NR3C2: variants seen among roughly 807,000 people sequenced by gnomAD.
NR3C2 encodes mineralocorticoid receptor.
In NR3C2, 15 loss-of-function variants were observed where a neutral mutation model predicts 86.4. The observed-to-expected ratio is 0.17, with a 90% CI of 0.12 to 0.27. The LOEUF (loss-of-function observed/expected upper bound fraction) is 0.27, where lower values mean the gene tolerates loss of function less well. Ranked by LOEUF, NR3C2 falls within the 10% of genes least tolerant of loss-of-function variation. NR3C2 has a pLI of 1.00. For synonymous variants in NR3C2, 458 were observed against 450.5 expected (o/e 1.02, Z -0.21); for missense variants, 960 against 1,195.6 (o/e 0.80, Z 2.91).
intron 4 of NR3C2, among the ~76,000 whole-genome samples, chr4:148,181,087 G>C (rs1230849691): frequency 6.6e-6 from 1 of 152,158 alleles, no homozygotes; most frequent in Admixed American, 6.5e-5. Flanking sequence ...ACAGGATCCT[G>C]CTAAACTCAG....
chr4:148,276,702 C>T (rs1487775697), intron 2 of NR3C2, among the ~76,000 whole-genome samples: 2 of 152,108 alleles, frequency 1.3e-5, no homozygotes, highest in Non-Finnish European at 1.5e-5. Flanking sequence ...ATAGGCTGTT[C>T]CCGAGAAACA....
intron 6 of NR3C2, among the ~76,000 whole-genome samples, chr4:148,132,572 A>G (rs1372758533): frequency 2.0e-5 from 3 of 152,248 alleles, no homozygotes; most frequent in Non-Finnish European, 2.9e-5. Context: ...ATATCACTGG[A>G]TATTTTAAGA....
At chr4:148,443,253 A>G (rs866959752), upstream of NR3C2, among the ~76,000 whole-genome samples, 90 of 134,496 alleles carry the variant, frequency 6.7e-4, no homozygotes, top group South Asian at 2.6e-3. Context: ...AAAAAAAAAA[A>G]AGAGAGAGAG....
intron 2 of NR3C2, among the ~76,000 whole-genome samples, chr4:148,335,060 AC>A (rs1462362414): frequency 1.3e-5 from 2 of 152,160 alleles, no homozygotes; most frequent in African/African-American, 4.8e-5. Context: ...TTCCAGTATG[AC>A]CTCATTGTAA....
intron 2 of NR3C2, among the ~76,000 whole-genome samples, chr4:148,423,137 A>G (rs1749362857): frequency 6.6e-6 from 1 of 152,034 alleles, no homozygotes; most frequent in Non-Finnish European, 1.5e-5. Context: ...CCAATATGAC[A>G]GCCTCTACAC....
intron 6 of NR3C2, among the ~76,000 whole-genome samples, chr4:148,147,499 T>C (rs1374366504): frequency 6.6e-6 from 1 of 152,248 alleles, no homozygotes; most frequent in East Asian, 1.9e-4. Flanking sequence ...ATGGAGTACC[T>C]ACTATGACTG....
At chr4:148,161,422 T>C (rs1734655092) in intron 4 of NR3C2, among the ~76,000 whole-genome samples, 1 of 151,964 alleles carries the variant, frequency 6.6e-6, no homozygotes, top group Non-Finnish European at 1.5e-5. Flanking sequence ...CCGTATCGGC[T>C]CACTGCAACC....
chr4:148,324,826 TG>T (rs531629307), intron 2 of NR3C2, among the ~76,000 whole-genome samples: 23 of 152,172 alleles, frequency 1.5e-4, no homozygotes, highest in South Asian at 2.1e-4. Context: ...AAGCTGGGAA[TG>T]GGGGGAAGAA....
chr4:148,210,147 G>A (rs779177566), intron 3 of NR3C2, among the ~76,000 whole-genome samples: 9 of 152,024 alleles, frequency 5.9e-5, no homozygotes, highest in Non-Finnish European at 1.0e-4. Context: ...GAAAGAGGCC[G>A]GTTTTGGTGT....
chr4:148,346,605 T>A (rs925470563), intron 2 of NR3C2, among the ~76,000 whole-genome samples: 42 of 152,070 alleles, frequency 2.8e-4, no homozygotes, highest in Admixed American at 1.0e-3. Context: ...TTGTCTATGG[T>A]GCACCTGGGA....
At chr4:148,395,914 A>T in intron 2 of NR3C2, among the ~76,000 whole-genome samples, 1 of 152,204 alleles carries the variant, frequency 6.6e-6, no homozygotes, top group East Asian at 1.9e-4. Flanking sequence ...TAAAAATGTT[A>T]ATCCTGCCCT....
intron 4 of NR3C2, among the ~76,000 whole-genome samples, chr4:148,172,132 G>A (rs905930310): frequency 5.3e-5 from 8 of 151,096 alleles, no homozygotes; most frequent in Admixed American, 2.6e-4. Flanking sequence ...CATTTGTCTC[G>A]GGGGCTTATT....
At chr4:148,137,520 T>C (rs1487913784) in intron 6 of NR3C2, among the ~76,000 whole-genome samples, 2 of 152,202 alleles carry the variant, frequency 1.3e-5, no homozygotes, top group Non-Finnish European at 2.9e-5. Flanking sequence ...TTTTAGGGAC[T>C]ATGTTCTATC....
chr4:148,140,361 CCT>C (rs1733549983), intron 6 of NR3C2, among the ~76,000 whole-genome samples: 2 of 151,930 alleles, frequency 1.3e-5, no homozygotes. Flanking sequence ...AGAGTGAAGC[CCT>C]GTCTCTAAAA....
At chr4:148,097,752 T>G (rs1224252508) in intron 8 of NR3C2, among the ~76,000 whole-genome samples, 1 of 99,660 alleles carries the variant, frequency 1.0e-5, no homozygotes, top group Admixed American at 9.4e-5. Context: ...TTTTTTTTTG[T>G]TTTTTTTTTT....
chr4:148,399,202 T>G (rs1748016848), intron 2 of NR3C2, among the ~76,000 whole-genome samples: 1 of 152,204 alleles, frequency 6.6e-6, no homozygotes, highest in Non-Finnish European at 1.5e-5. Flanking sequence ...TAGGCCTGCT[T>G]GTACTCAGAC....
intron 6 of NR3C2, among the ~76,000 whole-genome samples, chr4:148,122,283 A>G (rs1304021461): frequency 6.6e-6 from 1 of 152,138 alleles, no homozygotes. Context: ...TTTATTCCTA[A>G]TAATTTTTTG....
At chr4:148,294,923 G>A (rs992083778) in intron 2 of NR3C2, among the ~76,000 whole-genome samples, 1 of 152,126 alleles carries the variant, frequency 6.6e-6, no homozygotes, top group Non-Finnish European at 1.5e-5. Flanking sequence ...AGGAGTTCAA[G>A]TTACAATGAG....
chr4:148,315,761 A>C (rs1743141329), intron 2 of NR3C2, among the ~76,000 whole-genome samples: 2 of 152,208 alleles, frequency 1.3e-5, no homozygotes, highest in Non-Finnish European at 2.9e-5. Context: ...TAGGGGCCTT[A>C]TATGAATCAA....
Sources: allele counts gnomAD v4.1 joint callset (sites outside exome capture counted in the v4.1 genomes callset), GRCh38; gene constraint gnomAD v4.1.1; transcripts MANE v1.5; gene names NCBI Gene and HGNC (gene_info 2026-07-23, HGNC 2026-07-21).